Variants in ISM1 observed in about 807,000 individuals in gnomAD.
ISM1 encodes isthmin 1.
A neutral mutation model predicts 46.3 loss-of-function variants in ISM1; 25 were observed. The ratio of observed to expected loss-of-function variants is 0.54; its 90% CI spans 0.39 to 0.75. The LOEUF (loss-of-function observed/expected upper bound fraction) is 0.75, where lower values mean the gene tolerates loss of function less well. Ranked by LOEUF, ISM1 falls within the 30% of genes least tolerant of loss-of-function variation. The pLI, the probability that ISM1 is intolerant of heterozygous loss-of-function variation, is 0.00. For synonymous variants in ISM1, 255 were observed against 256.7 expected (o/e 0.99, Z 0.06); for missense variants, 536 against 625.4 (o/e 0.86, Z 1.52).
intron 1 of ISM1, among the ~76,000 whole-genome samples, chr20:13,241,040 C>A (rs956529364): frequency 1.3e-5 from 2 of 152,132 alleles, no homozygotes; most frequent in Non-Finnish European, 2.9e-5. Flanking sequence ...AGGTGTGTCA[C>A]AGAAGCCAGG....
At chr20:13,263,185 T>C (rs577846008) in intron 1 of ISM1, among the ~76,000 whole-genome samples, 14 of 152,342 alleles carry the variant, frequency 9.2e-5, no homozygotes, top group Admixed American at 2.0e-4. Context: ...CTGTTCCTGC[T>C]GCCTGAAGGG....
chr20:13,292,259 TAGTAATGAATACA>T (rs1422100416), intron 4 of ISM1, 102 bp from the exon 5 acceptor site: 9 of 660,650 alleles, frequency 1.4e-5, no homozygotes, highest in Non-Finnish European at 2.4e-5. Context: ...TGCCCGTGAG[TAGTAATGAATACA>T]AAAAAGGCTT....
chr20:13,258,693 A>T (rs1048990543), intron 1 of ISM1, among the ~76,000 whole-genome samples: 1 of 152,136 alleles, frequency 6.6e-6, no homozygotes, highest in Non-Finnish European at 1.5e-5. Context: ...GTTGGTGAGA[A>T]CAACACTGGG....
intron 3 of ISM1, among the ~76,000 whole-genome samples, chr20:13,283,271 A>G (rs1265678432): frequency 6.6e-6 from 1 of 152,176 alleles, no homozygotes; most frequent in Non-Finnish European, 1.5e-5. Flanking sequence ...GTTGTGGAGG[A>G]AACAGAAAGA....
intron 1 of ISM1, among the ~76,000 whole-genome samples, chr20:13,235,740 A>G (rs1439783956): frequency 1.3e-5 from 2 of 152,174 alleles, no homozygotes; most frequent in Admixed American, 6.5e-5. Flanking sequence ...TGTGTGCTAC[A>G]TGGTAGGAAC....
chr20:13,316,888 C>T, the ISM1 span, among the ~76,000 whole-genome samples: 4 of 151,810 alleles, frequency 2.6e-5, no homozygotes, highest in African/African-American at 9.7e-5. Flanking sequence ...GCAAAAACAT[C>T]CCTTCTCACC....
At chr20:13,236,531 G>A (rs1274707650) in intron 1 of ISM1, among the ~76,000 whole-genome samples, 1 of 152,006 alleles carries the variant, frequency 6.6e-6, no homozygotes. Flanking sequence ...CTTCCCAACA[G>A]TCCCCCAAAG....
At chr20:13,223,188 A>AAAT (rs1555807200) in intron 1 of ISM1, among the ~76,000 whole-genome samples, 17 of 147,280 alleles carry the variant, frequency 1.2e-4, no homozygotes, top group African/African-American at 4.4e-4. Flanking sequence ...AAAATAAAAT[A>AAAT]AAATAAATAA....
intron 5 of ISM1, among the ~76,000 whole-genome samples, chr20:13,295,209 ATCC>A (rs2123327963): frequency 6.6e-6 from 1 of 152,148 alleles, no homozygotes; most frequent in East Asian, 1.9e-4. Flanking sequence ...ATCTCTTCTG[ATCC>A]CACCTGCTGT....
intron 1 of ISM1, among the ~76,000 whole-genome samples, chr20:13,240,826 T>G (rs2039712588): frequency 6.6e-6 from 1 of 152,186 alleles, no homozygotes; most frequent in African/African-American, 2.4e-5. Flanking sequence ...GCTGTTGGAT[T>G]GCATTTCAGA....
intron 3 of ISM1, among the ~76,000 whole-genome samples, 161 bp downstream of exon 3, chr20:13,280,059 A>C (rs1300034701): frequency 2.0e-5 from 3 of 152,192 alleles, no homozygotes; most frequent in African/African-American, 7.2e-5. Context: ...CAAAGGAGGC[A>C]CCAGCAGCCA....
intron 1 of ISM1, among the ~76,000 whole-genome samples, chr20:13,263,346 C>G (rs550879388): frequency 2.0e-5 from 3 of 152,016 alleles, no homozygotes; most frequent in Admixed American, 6.6e-5. Flanking sequence ...CCCACCACCC[C>G]CTGCTTCCAC....
rs534832472 is a variant in ISM1, at chr20:13,235,591, A to G, written c.138+13677A>G. ...CCACTGAGAAGTTAGAGCTGGAGAA[A>G]GCTCTCACATGTCATCCTATGGGTT... On this transcript the variant is annotated intron_variant, in intron 1 of 5. Coordinates refer to ENST00000262487, the MANE Select transcript of ISM1 (RefSeq NM_080826.2). Among the ~76,000 whole-genome samples the G allele has an allele frequency of 6.6e-4, 101 of 152,306 alleles. 1 individual carries two copies. The highest frequency in any genetic ancestry group is 2.3e-3 in the African/African-American group (96 of 41,566).
intron 5 of ISM1, among the ~76,000 whole-genome samples, chr20:13,294,635 G>A (rs761440769): frequency 1.1e-4 from 16 of 152,130 alleles, no homozygotes; most frequent in South Asian, 2.1e-4. Context: ...TTAGGTAACT[G>A]AGGAGCCTTT....
chr20:13,288,558 G>A lies in ISM1; in HGVS notation c.662G>A (p.Gly221Asp). 3.1e-6 allele frequency: 5 copies of A among 1,613,882 alleles called. No homozygotes were observed. The highest frequency in any genetic ancestry group is 1.1e-5 in the South Asian group (1 of 91,070). Residue 221 changes from glycine to aspartate, a missense_variant, in exon 4 of 6, where the codon GGT becomes GAT. This residue lies in a region of ISM1 where 367 missense variants were observed against 376.1 expected (regional missense o/e 0.98). Coordinates refer to ENST00000262487, the MANE Select transcript of ISM1 (RefSeq NM_080826.2). Reference sequence around the variant, plus strand: ...CTTCCAGATTCCACAGATGGCGAGGGTGACTGGAGTCTCTGGTCTGTCTGC... The same window carrying A: ...CTTCCAGATTCCACAGATGGCGAGGATGACTGGAGTCTCTGGTCTGTCTGC... The part of the protein sequence containing the change: ...QPEYDSTDGE[G>D]DWSLWSVCSV...
At position 13,270,565 on chromosome 20, in the gene ISM1, C is replaced by A. The variant is rs1469627015; in HGVS notation, c.200C>A (p.Ala67Glu). The change falls in exon 2 of 6, where the codon GCA (alanine) becomes GAA (glutamate). Residue 67 changes from alanine (A) to glutamate (E), a missense_variant. By Grantham distance (107) the Ala-to-Glu change is moderately radical (BLOSUM62 -1). This residue lies in a region of ISM1 where 367 missense variants were observed against 376.1 expected (regional missense o/e 0.98). Transcript: ENST00000262487. ...ACCAGCTTTTCTCTCTCCAAAGAAG[C>A]ACCAAGGGAGCATCTGGACCACCAG... ...SETSFSLSKE[A>E]PREHLDHQAA... The A allele has an allele frequency of 1.2e-6, 2 of 1,613,952 alleles. No individual in the cohort carries two copies. Among genetic ancestry groups the A allele is most frequent in the Admixed American group, 3.3e-5 (2 of 60,030 alleles).
intron 1 of ISM1, among the ~76,000 whole-genome samples, chr20:13,239,958 C>T (rs1428789071): frequency 1.3e-5 from 2 of 152,166 alleles, no homozygotes; most frequent in Non-Finnish European, 2.9e-5. Flanking sequence ...AGTAAGTGTA[C>T]ATCTAAAGTG....
At chr20:13,306,998 C>T in the ISM1 span, among the ~76,000 whole-genome samples, 1 of 152,324 alleles carries the variant, frequency 6.6e-6, no homozygotes, top group South Asian at 2.1e-4. Flanking sequence ...CTCTTGAGGG[C>T]TCCCTCCTGC....
At chr20:13,229,034 A>G (rs79808659) in intron 1 of ISM1, among the ~76,000 whole-genome samples, 1 of 151,742 alleles carries the variant, frequency 6.6e-6, no homozygotes, top group Non-Finnish European at 1.5e-5. Context: ...CTTTTCTCCT[A>G]AATTCTATAG....
Sources: allele counts gnomAD v4.1 joint callset (sites outside exome capture counted in the v4.1 genomes callset), GRCh38; gene constraint gnomAD v4.1.1; regional missense constraint gnomAD v4.1.1; transcripts MANE v1.5; gene names NCBI Gene and HGNC (gene_info 2026-07-23, HGNC 2026-07-21).